The following RPGRIP1L variants were observed in gnomAD, a reference collection of about 807,000 sequenced individuals.
RPGRIP1L encodes the protein protein fantom.
In RPGRIP1L, 131 loss-of-function variants were observed where a neutral mutation model predicts 160.4. The observed-to-expected ratio is 0.82, with a 90% confidence interval of 0.71 to 0.94. The LOEUF (loss-of-function observed/expected upper bound fraction) is 0.94. Ranked by LOEUF, RPGRIP1L falls within the 40% of genes least tolerant of loss-of-function variation. RPGRIP1L has a pLI of 0.00. For synonymous variants in RPGRIP1L, 510 were observed against 515.8 expected, an observed-to-expected ratio of 0.99 and a Z score of 0.15; for missense variants, 1,522 against 1,535.8, an observed-to-expected ratio of 0.99 and a Z score of 0.15.
intron 2 of RPGRIP1L, among the ~76,000 whole-genome samples, chr16:53,699,921 T>C (rs1449955092): frequency 1.3e-5 from 2 of 152,178 alleles, no homozygotes; most frequent in Non-Finnish European, 2.9e-5. Context: ...CCATTTACAC[T>C]GTTCTGATTG....
At chr16:53,631,023 G>A (rs879327903) in intron 22 of RPGRIP1L, among the ~76,000 whole-genome samples, 5 of 152,010 alleles carry the variant, frequency 3.3e-5, no homozygotes, top group Non-Finnish European at 4.4e-5. Flanking sequence ...GTGAGCCACC[G>A]CACCCGGCCA....
intron 10 of RPGRIP1L, among the ~76,000 whole-genome samples, chr16:53,664,193 A>G (rs899613579): frequency 6.6e-6 from 1 of 152,224 alleles, no homozygotes; most frequent in Non-Finnish European, 1.5e-5. Context: ...AGTAAAATTC[A>G]GACTTCTTTA....
chr16:53,636,736 C>G (rs369720965), intron 21 of RPGRIP1L, among the ~76,000 whole-genome samples: 97 of 151,542 alleles, frequency 6.4e-4, no homozygotes, highest in African/African-American at 2.3e-3. Context: ...AAAGGAAATG[C>G]CAATAAAAAT....
intron 10 of RPGRIP1L, among the ~76,000 whole-genome samples, chr16:53,662,309 C>T (rs570249414): frequency 6.6e-6 from 1 of 152,124 alleles, no homozygotes; most frequent in South Asian, 2.1e-4. Flanking sequence ...AAGGAACTTT[C>T]AAAAGCAAGC....
intron 7 of RPGRIP1L, among the ~76,000 whole-genome samples, 188 bp from the exon 8 acceptor site, chr16:53,673,204 T>G (rs1479068414): frequency 3.9e-5 from 6 of 152,208 alleles, no homozygotes; most frequent in Admixed American, 2.0e-4. Flanking sequence ...GCTCTGAACA[T>G]GTGTGTGACA....
At chr16:53,636,941 GACACACACAC>G (rs34373919) in intron 21 of RPGRIP1L, among the ~76,000 whole-genome samples, 7,187 of 142,182 alleles carry the variant, frequency 0.051, 538 homozygotes, top group African/African-American at 0.17. Context: ...TGCAATATTT[GACACACACAC>G]ACACACACAC....
At chr16:53,668,185 G>T (rs1395709448) in intron 9 of RPGRIP1L, among the ~76,000 whole-genome samples, 1 of 152,060 alleles carries the variant, frequency 6.6e-6, no homozygotes, top group Admixed American at 6.6e-5. Context: ...CTTGGAGTTT[G>T]ATTTCTGGGA....
At chr16:53,671,978 G>C (rs1270518471) in intron 8 of RPGRIP1L, among the ~76,000 whole-genome samples, 1 of 151,948 alleles carries the variant, frequency 6.6e-6, no homozygotes, top group Non-Finnish European at 1.5e-5. Flanking sequence ...AGAATTAAAA[G>C]AGTTAACTTT....
chr16:53,673,205 G>A (rs1968888326), intron 7 of RPGRIP1L, among the ~76,000 whole-genome samples, 189 bp from the exon 8 acceptor site: 1 of 152,154 alleles, frequency 6.6e-6, no homozygotes, highest in South Asian at 2.1e-4. Context: ...CTCTGAACAT[G>A]TGTGTGACAT....
At chr16:53,694,549 T>A (rs1468948397) in intron 3 of RPGRIP1L, 1 of 152,196 alleles carries the variant, frequency 6.6e-6, no homozygotes, top group Non-Finnish European at 1.5e-5. Flanking sequence ...AGTTTCGCTC[T>A]TATTGCCCAA....
rs1966330689 is a variant in RPGRIP1L at position 53,643,002 on chromosome 16, C to T, written c.2684-1527G>A. Among the ~76,000 whole-genome samples the T allele has an allele frequency of 2.0e-5, 3 of 152,102 alleles. No individual in the cohort carries two copies. The South Asian group carries it at 6.2e-4, about 32-fold the overall frequency. On this transcript the variant is annotated intron_variant, in intron 17 of 26. Transcript: ENST00000647211. ...AAGGGAAATCCAAGGAATAAGATAT[C>T]AGAAGTGGGCGTTGGCTGGGTGCGG...
rs749843530 is a variant in RPGRIP1L, at chr16:53,687,847, A to G, written c.632+16T>C. The G allele has an allele frequency of 1.4e-6, 2 of 1,476,290 alleles. No individual in the cohort carries two copies. The highest frequency in any genetic ancestry group is 1.9e-6 in the Non-Finnish European group (2 of 1,054,920). 91.4% of individuals were successfully genotyped at this position (1,476,290 alleles called of 1,614,324 possible). On this transcript the variant is annotated intron_variant, in intron 5 of 26. Transcript: ENST00000647211. ...ATAACCAAAGTTCTCAAATTACCAC[A>G]AAAAAGAACACATACAAATTTCTTA...
At chr16:53,625,851 C>T (rs1460126051) in intron 22 of RPGRIP1L, among the ~76,000 whole-genome samples, 5 of 152,176 alleles carry the variant, frequency 3.3e-5, no homozygotes, top group Admixed American at 6.5e-5. Flanking sequence ...CCCCCAACCC[C>T]GTGCTCTCTG....
Position 53,656,584 on chromosome 16 carries a change from C to T in RPGRIP1L, c.1587G>A (p.Glu529=), listed in dbSNP as rs1217674348. ...QHKINKDYQM[E]VEAVTRKMEN... ...CCATCTTACGGGTCACTGCCTCAAC[C>T]TCCATCTACAAAATAAGGGAAAATA... Residue 529 remains glutamate (E), a synonymous_variant, in exon 14 of 27, where the codon GAG becomes GAA. Transcript: ENST00000647211. 6 of 1,604,170 alleles carry T rather than the reference C, an allele frequency of 3.7e-6. No individual in the cohort carries two copies. In the South Asian group the frequency reaches 5.5e-5, roughly 15 times the overall value.
intron 17 of RPGRIP1L, among the ~76,000 whole-genome samples, chr16:53,642,637 T>C (rs1966299224): frequency 6.6e-6 from 1 of 152,132 alleles, no homozygotes; most frequent in Non-Finnish European, 1.5e-5. Flanking sequence ...TGATCAAAGA[T>C]ACTGGATAAA....
Position 53,661,954 on chromosome 16 carries a change from A to C in RPGRIP1L, c.1243+2916T>G, listed in dbSNP as rs531933614. On this transcript the variant is annotated intron_variant, in intron 10 of 26. Transcript: ENST00000647211. Reference sequence around the variant, plus strand: ...TCCTTTCTCAAACTGTTTATTTGGGACATAACTCCTGGGTCTTTAAAAAGT... The same window carrying C: ...TCCTTTCTCAAACTGTTTATTTGGGCCATAACTCCTGGGTCTTTAAAAAGT... Among the ~76,000 whole-genome samples the C allele has an allele frequency of 2.6e-5, 4 of 152,282 alleles. No individual in the cohort carries two copies. The South Asian group carries it at 6.2e-4, about 24-fold the overall frequency.
intron 3 of RPGRIP1L, chr16:53,694,662 C>T (rs1199282087): frequency 6.6e-6 from 1 of 151,918 alleles, no homozygotes; most frequent in Non-Finnish European, 1.5e-5. Flanking sequence ...AGGCTTGTGC[C>T]ACCATGCCCA....
intron 23 of RPGRIP1L, among the ~76,000 whole-genome samples, chr16:53,621,430 ATT>A (rs10710732): frequency 3.3e-4 from 45 of 135,038 alleles, no homozygotes; most frequent in East Asian, 2.0e-3. Context: ...TTTCTGGTCA[ATT>A]TTTTTTTTTT....
intron 21 of RPGRIP1L, among the ~76,000 whole-genome samples, chr16:53,637,372 A>G (rs1965905302): frequency 6.6e-6 from 1 of 152,188 alleles, no homozygotes; most frequent in Non-Finnish European, 1.5e-5. Context: ...TCAATTTTTA[A>G]AAAGTCAAGA....
Sources: gnomAD v4.1 joint callset for allele counts (sites outside exome capture counted in the v4.1 genomes callset) on GRCh38, gnomAD v4.1.1 for gene constraint, MANE v1.5 for transcripts, NCBI Gene and HGNC (gene_info 2026-07-23, HGNC 2026-07-21) for gene names.